Variants in WDR74 observed in about 807,000 individuals in gnomAD.
The protein encoded by WDR74 is WD repeat domain 74, also known as WD repeat-containing protein 74.
WDR74 carries 31 observed loss-of-function variants against 45.6 expected under a neutral mutation model. That is an observed-to-expected ratio of 0.68 (90% CI 0.51 to 0.92). WDR74 has a LOEUF of 0.92. WDR74 is among the 40% of genes least tolerant of loss of function. WDR74 has a pLI of 0.00. For missense variants in WDR74, 455 were observed against 497.2 expected, an observed-to-expected ratio of 0.92 and a Z score of 0.81; for synonymous variants, 191 against 192.4, an observed-to-expected ratio of 0.99 and a Z score of 0.06.
intron 3 of WDR74, chr11:62,836,558 T>C (rs2084962736): frequency 6.1e-6 from 1 of 162,744 alleles, no homozygotes; most frequent in East Asian, 1.7e-4. Context: ...GTCAGTCTCT[T>C]GCTTAAAATA....
chr11:62,839,757 A>T, upstream of WDR74: 1 of 729,072 alleles, frequency 1.4e-6, no homozygotes, highest in Non-Finnish European at 2.2e-6. Context: ...TCGGAAGAAT[A>T]CATTGATCAT....
At chr11:62,833,310 A>G (rs1412018235) in intron 10 of WDR74, among the ~76,000 whole-genome samples, 179 bp from the exon 11 acceptor site, 2 of 150,500 alleles carry the variant, frequency 1.3e-5, no homozygotes, top group African/African-American at 4.9e-5. Context: ...AAAAAAAAAA[A>G]AAAAAAAAAA....
At chr11:62,841,349 C>T (rs998025756), upstream of WDR74, among the ~76,000 whole-genome samples, 5 of 152,034 alleles carry the variant, frequency 3.3e-5, no homozygotes, top group African/African-American at 9.7e-5. Context: ...AAATGGAAAA[C>T]ATTAGCCGGG....
At chr11:62,838,279 A>G (rs767318223) in intron 3 of WDR74, among the ~76,000 whole-genome samples, 107 of 152,082 alleles carry the variant, frequency 7.0e-4, no homozygotes, top group Non-Finnish European at 1.4e-3. Context: ...CGGCCTCCCA[A>G]GTAGCTGGGA....
At chr11:62,834,719 A>C in intron 6 of WDR74, 192 bp from the exon 7 acceptor site, 1 of 596,158 alleles carries the variant, frequency 1.7e-6, no homozygotes, top group Non-Finnish European at 2.9e-6. Flanking sequence ...GCATAAATGG[A>C]CAGAGCTGAG....
intron 9 of WDR74, 31 bp from the exon 10 acceptor site, chr11:62,833,705 G>T: frequency 6.4e-7 from 1 of 1,574,458 alleles, no homozygotes; most frequent in Non-Finnish European, 8.6e-7. Context: ...TAAGGAGCCA[G>T]GCATGCTGAG....
intron 8 of WDR74, 74 bp downstream of exon 8, chr11:62,834,202 T>C (rs1192300526): frequency 2.5e-6 from 4 of 1,606,174 alleles, no homozygotes; most frequent in Middle Eastern, 1.8e-4. Context: ...CTGGCCCCAC[T>C]GCACCACCTT....
At chr11:62,835,168 C>A in intron 6 of WDR74, 1 of 460,196 alleles carries the variant, frequency 2.2e-6, no homozygotes, top group Non-Finnish European at 4.0e-6. Flanking sequence ...GACACCTGCA[C>A]CCTATAATTC....
Position 62,835,550 on chromosome 11 carries a change from T to G in WDR74, c.517-18A>C, listed in dbSNP as rs2084946293. 1 of 1,613,844 alleles carries G rather than the reference T, an allele frequency of 6.2e-7. No homozygotes were observed. ...TTCCGCACCTGGTGGGGTGGGCAGA[T>G]GGAGGACAGGGCTATGGGGGGCTCG... On this transcript the variant is annotated intron_variant, in intron 5 of 10. Transcript: ENST00000278856.
At chr11:62,838,805 A>G (rs1168908135) in intron 3 of WDR74, among the ~76,000 whole-genome samples, 1 of 151,920 alleles carries the variant, frequency 6.6e-6, no homozygotes, top group Non-Finnish European at 1.5e-5. Context: ...ACACAAAACT[A>G]TTAAATGACT....
chr11:62,839,372 G>A lies in WDR74; in HGVS notation c.121C>T (p.Arg41Cys), dbSNP rs2085011149. The A allele has an allele frequency of 6.2e-7, 1 of 1,612,216 alleles. No homozygotes were observed. ...ANFTAGGQPR[R>C]EEAVSALCWG... is the part of the protein sequence containing the mutation. The stretch of plus-strand genomic sequence containing the variant: ...CACAGGGCGCTCACTGCCTCCTCGC[G>A]CCGCGGCTGTCCTCCGGCCGTGAAG... The change falls in exon 2 of 11, where the codon CGC becomes TGC. Residue 41 changes from arginine to cysteine, a missense_variant. Physicochemically the swap from Arg to Cys is radical, Grantham distance 180 (BLOSUM62 -3). Coordinates refer to ENST00000278856, the MANE Select transcript of WDR74 (RefSeq NM_001369450.1).
chr11:62,839,727 G>T, upstream of WDR74: 1 of 905,130 alleles, frequency 1.1e-6, no homozygotes. Flanking sequence ...ATGAAACCAG[G>T]AGGTGCTTGT....
intron 3 of WDR74, among the ~76,000 whole-genome samples, chr11:62,837,500 A>C (rs2084975928): frequency 6.7e-6 from 1 of 150,180 alleles, no homozygotes; most frequent in African/African-American, 2.5e-5. Flanking sequence ...CCGTATATAA[A>C]AAAAAAACAA....
rs752057236 is a variant in WDR74, at chr11:62,833,743, G to C, written c.921+49C>G. 9 of 1,603,878 alleles carry C rather than the reference G, an allele frequency of 5.6e-6. No individual in the cohort carries two copies. In the South Asian group the frequency reaches 1.0e-4, roughly 18 times the overall value. On this transcript the variant is annotated intron_variant, in intron 9 of 10. Coordinates refer to ENST00000278856, the MANE Select transcript of WDR74 (RefSeq NM_001369450.1). ...AGAAACATGAACGGAGGGCACAGGA[G>C]GCGGGGCCTCCACAAGACCATGAGT...
intron 1 of WDR74, 28 bp downstream of exon 1, chr11:62,839,479 C>G (rs772893432): frequency 1.4e-5 from 22 of 1,613,546 alleles, no homozygotes; most frequent in Non-Finnish European, 1.9e-5. Flanking sequence ...CACCCCTGCA[C>G]TTCCCGACGC....
chr11:62,833,904 C>T lies in WDR74; in HGVS notation c.809G>A (p.Gly270Asp), dbSNP rs201021250. The T allele has an allele frequency of 2.5e-6, 4 of 1,613,964 alleles. No individual in the cohort carries two copies. The highest frequency in any genetic ancestry group is 2.2e-5 in the East Asian group (1 of 44,888). Residue 270 changes from glycine (G) to aspartate (D), a missense_variant, in exon 9 of 11, where the codon GGC becomes GAC. Transcript: ENST00000278856. ...GTGGCACTGCAACCCACGCACACTGCCTGCCAGCCCCTTCAGACAGCCCAG... is the reference window on the plus strand; with the variant it reads ...GTGGCACTGCAACCCACGCACACTGTCTGCCAGCCCCTTCAGACAGCCCAG... ...RLLGCLKGLA[G>D]SVRGLQCHPS...
At chr11:62,838,240 C>T (rs551454294) in intron 3 of WDR74, among the ~76,000 whole-genome samples, 4 of 152,162 alleles carry the variant, frequency 2.6e-5, no homozygotes, top group South Asian at 2.1e-4. Context: ...GCAACCTCTG[C>T]GGGACGGATT....
chr11:62,835,523 C>G lies in WDR74; in HGVS notation c.526G>C (p.Asp176His). Reference protein sequence around the residue: ...PVFRAKNVRNDWLDLRVPIWD... With the variant: ...PVFRAKNVRNHWLDLRVPIWD... ...ATGGGAACCCGCAAGTCCAGCCAGTCATTCCGCACCTGGTGGGGTGGGCAG... is the reference window on the plus strand; with the variant it reads ...ATGGGAACCCGCAAGTCCAGCCAGTGATTCCGCACCTGGTGGGGTGGGCAG... The change falls in exon 6 of 11, where the codon GAC becomes CAC. Residue 176 changes from aspartate (D) to histidine (H), a missense_variant. Transcript: ENST00000278856. The G allele has an allele frequency of 6.2e-7, 1 of 1,613,920 alleles. No homozygotes were observed. The highest frequency in any genetic ancestry group is 1.3e-5 in the African/African-American group (1 of 75,024).
chr11:62,841,146 G>A (rs1390383555), upstream of WDR74, among the ~76,000 whole-genome samples: 1 of 152,122 alleles, frequency 6.6e-6, no homozygotes, highest in Non-Finnish European at 1.5e-5. Context: ...GTGAAACCCC[G>A]TCTCTATTAA....
Sources: allele counts gnomAD v4.1 joint callset (sites outside exome capture counted in the v4.1 genomes callset), GRCh38; gene constraint gnomAD v4.1.1; transcripts MANE v1.5; gene names NCBI Gene and HGNC (gene_info 2026-07-23, HGNC 2026-07-21).